TENM4: variants seen among roughly 807,000 people sequenced by gnomAD.
TENM4 encodes teneurin transmembrane protein 4.
In TENM4, 82 loss-of-function variants were observed where a neutral mutation model predicts 243.3. That is an observed-to-expected ratio of 0.34 (90% confidence interval 0.28 to 0.40). TENM4 has a LOEUF of 0.40. Among genes scored for constraint, TENM4 ranks in the 10% least tolerant of loss-of-function variants. TENM4 has a pLI of 1.00. For missense variants in TENM4, 3,138 were observed against 3,673.3 expected (o/e 0.85, Z 3.77); for synonymous variants, 1,412 against 1,456.3 (o/e 0.97, Z 0.69).
intron 6 of TENM4, among the ~76,000 whole-genome samples, chr11:79,025,564 A>G (rs1859057734): frequency 6.6e-6 from 1 of 151,910 alleles, no homozygotes; most frequent in African/African-American, 2.4e-5. Flanking sequence ...AAGGATAGAT[A>G]CTCTGTGGTA....
chr11:78,725,499 A>G (rs1239840445), intron 23 of TENM4, among the ~76,000 whole-genome samples: 2 of 152,100 alleles, frequency 1.3e-5, no homozygotes, highest in Non-Finnish European at 2.9e-5. Flanking sequence ...GAAAGTCCTA[A>G]TCTTCTTACC....
At chr11:78,756,649 G>A (rs557584336) in intron 19 of TENM4, among the ~76,000 whole-genome samples, 156 bp downstream of exon 19, 5 of 152,266 alleles carry the variant, frequency 3.3e-5, no homozygotes, top group South Asian at 2.1e-4. Context: ...GTAGGTACCT[G>A]AGGCTGCTTC....
intron 6 of TENM4, among the ~76,000 whole-genome samples, chr11:78,958,621 T>C (rs1328436726): frequency 6.6e-6 from 1 of 152,218 alleles, no homozygotes; most frequent in Non-Finnish European, 1.5e-5. Context: ...AGGGCAGCTC[T>C]GAGGCCTACC....
chr11:79,195,051 GGCTGTGGCTTCACAGGCTGGAA>G (rs1590785249), intron 3 of TENM4, among the ~76,000 whole-genome samples: 1 of 152,234 alleles, frequency 6.6e-6, no homozygotes, highest in Non-Finnish European at 1.5e-5. Context: ...ATAGAGTTCA[GGCTGTGGCTTCACAGGCTGGAA>G]GCCCCAAGCC....
chr11:78,995,113 A>G (rs1336548369), intron 6 of TENM4, among the ~76,000 whole-genome samples: 5 of 152,226 alleles, frequency 3.3e-5, no homozygotes, highest in African/African-American at 1.2e-4. Flanking sequence ...TATATGCACT[A>G]TATTTCCTAG....
intron 6 of TENM4, among the ~76,000 whole-genome samples, chr11:78,911,654 A>T (rs1384800869): frequency 3.9e-5 from 6 of 152,186 alleles, no homozygotes; most frequent in Non-Finnish European, 8.8e-5. Context: ...GGGCCCCAGT[A>T]GTGGGTCTGG....
At chr11:79,187,693 A>G (rs72935394) in intron 3 of TENM4, among the ~76,000 whole-genome samples, 4,152 of 152,298 alleles carry the variant, frequency 0.027, 87 homozygotes, top group Non-Finnish European at 0.04. Flanking sequence ...GCCTTAAAAA[A>G]GTTAATTAAG....
intron 17 of TENM4, among the ~76,000 whole-genome samples, chr11:78,777,580 C>T (rs897019568): frequency 1.3e-5 from 2 of 152,158 alleles, no homozygotes; most frequent in Non-Finnish European, 2.9e-5. Flanking sequence ...ATATACTAAG[C>T]ACTTTGTATT....
At chr11:78,936,327 T>C (rs1856782774) in intron 6 of TENM4, among the ~76,000 whole-genome samples, 1 of 152,216 alleles carries the variant, frequency 6.6e-6, no homozygotes, top group Non-Finnish European at 1.5e-5. Context: ...CCTCACTGGG[T>C]TGTTTACAGT....
At chr11:79,257,931 C>A (rs796240517) in intron 2 of TENM4, among the ~76,000 whole-genome samples, 2 of 152,300 alleles carry the variant, frequency 1.3e-5, no homozygotes, top group South Asian at 4.2e-4. Context: ...TCCACCAGCA[C>A]CATGGTGAAA....
At chr11:79,165,175 A>T (rs1862885680) in intron 3 of TENM4, among the ~76,000 whole-genome samples, 1 of 152,016 alleles carries the variant, frequency 6.6e-6, no homozygotes. Context: ...GGATTGCTGG[A>T]TCAAATGGTA....
intron 1 of TENM4, among the ~76,000 whole-genome samples, chr11:79,349,355 G>A (rs1489968225): frequency 6.6e-6 from 1 of 152,216 alleles, no homozygotes. Context: ...CTTGGAAAAT[G>A]CTGTGGGAGG....
chr11:78,943,024 A>G (rs1856935670), intron 6 of TENM4, among the ~76,000 whole-genome samples: 1 of 152,156 alleles, frequency 6.6e-6, no homozygotes. Context: ...GAGTCGGTGC[A>G]TGGTCCTGCG....
At chr11:78,996,854 C>T (rs1858185488) in intron 6 of TENM4, among the ~76,000 whole-genome samples, 1 of 152,200 alleles carries the variant, frequency 6.6e-6, no homozygotes, top group Non-Finnish European at 1.5e-5. Context: ...TTGTGGAGGG[C>T]TCCAGCTGTA....
chr11:79,185,141 T>C (rs998963975), intron 3 of TENM4, among the ~76,000 whole-genome samples: 2 of 152,006 alleles, frequency 1.3e-5, no homozygotes, highest in Admixed American at 1.3e-4. Context: ...CTAAAAAACA[T>C]TTAAAAATTA....
At chr11:79,173,759 G>T (rs957168992) in intron 3 of TENM4, among the ~76,000 whole-genome samples, 2 of 152,148 alleles carry the variant, frequency 1.3e-5, no homozygotes, top group Non-Finnish European at 2.9e-5. Context: ...TCTGGGACTC[G>T]AGAAGTGAAA....
intron 6 of TENM4, among the ~76,000 whole-genome samples, chr11:78,989,640 C>G (rs1369276319): frequency 2.0e-5 from 3 of 152,212 alleles, no homozygotes; most frequent in African/African-American, 7.2e-5. Flanking sequence ...AGTTCCTCTG[C>G]GCTAACTCAT....
intron 1 of TENM4, among the ~76,000 whole-genome samples, chr11:79,330,041 T>C (rs1857036693): frequency 6.6e-6 from 1 of 152,068 alleles, no homozygotes; most frequent in African/African-American, 2.4e-5. Flanking sequence ...ATCCGGGCAA[T>C]GGTGTGTTGT....
chr11:79,172,138 G>C (rs778116356), intron 3 of TENM4, among the ~76,000 whole-genome samples: 58 of 152,232 alleles, frequency 3.8e-4, no homozygotes, highest in Admixed American at 5.9e-4. Flanking sequence ...ATTTTTTGTA[G>C]AGACAGGGTC....
Sources: gnomAD v4.1 joint callset for allele counts (sites outside exome capture counted in the v4.1 genomes callset) on GRCh38, gnomAD v4.1.1 for gene constraint, MANE v1.5 for transcripts, NCBI Gene and HGNC (gene_info 2026-07-23, HGNC 2026-07-21) for gene names.